The following PARD3B variants were observed in gnomAD, a reference collection of about 807,000 sequenced individuals.
PARD3B encodes the protein partitioning defective 3 homolog B.
PARD3B carries 103 observed loss-of-function variants against 130.2 expected under a neutral mutation model. That is an observed-to-expected ratio of 0.79 (90% CI 0.67 to 0.93). The LOEUF (loss-of-function observed/expected upper bound fraction) is 0.93, where lower values mean the gene tolerates loss of function less well. Ranked by LOEUF, PARD3B falls within the 40% of genes least tolerant of loss-of-function variation. The probability of loss-of-function intolerance (pLI) is 0.00; values close to 1 mark genes in which losing one functional copy is unlikely to be tolerated. For missense variants in PARD3B, 1,609 were observed against 1,499.2 expected (o/e 1.07, Z -1.21); for synonymous variants, 583 against 553.2 (o/e 1.05, Z -0.76).
At position 205,397,065 on chromosome 2, in the gene PARD3B, AT is replaced by A. The variant is rs2046058415; in HGVS notation, c.2631-3946del. Among the ~76,000 whole-genome samples, 1 of 152,174 alleles carries A rather than the reference AT, an allele frequency of 6.6e-6. No individual in the cohort carries two copies. The highest frequency in any genetic ancestry group is 2.1e-4 in the South Asian group (1 of 4,818). ...CCACTACTGATAATTAAGTTGTCTT[AT>A]TGCAAAATGAAAAAGAATTCAGTGT... On this transcript the variant is annotated intron_variant, in intron 18 of 22. Transcript: ENST00000406610. This position sits in a 1 kb window ranked among gnomAD's most constrained non-coding sequence, Gnocchi z 4.8.
intron 3 of PARD3B, among the ~76,000 whole-genome samples, chr2:205,023,488 T>G (rs1197422332): frequency 6.6e-6 from 1 of 150,594 alleles, no homozygotes; most frequent in Non-Finnish European, 1.5e-5. Flanking sequence ...AAGAAGCTAC[T>G]TTTTTAAATG....
At chr2:204,817,444 C>T (rs537073203) in intron 2 of PARD3B, among the ~76,000 whole-genome samples, 2 of 152,178 alleles carry the variant, frequency 1.3e-5, no homozygotes, top group African/African-American at 4.8e-5. Context: ...TGTAACTACC[C>T]ACTACTGAGC....
In PARD3B at chr2:204,887,313, G is replaced by A. The variant is rs1199426198; in HGVS notation, c.223-77839G>A. Reference sequence around the variant, plus strand: ...TTCATTTAAGCCTATTTTGGAAGCTGAGTCACTTGCCACCTGCATATATCT... The same window carrying A: ...TTCATTTAAGCCTATTTTGGAAGCTAAGTCACTTGCCACCTGCATATATCT... On this transcript the variant is annotated intron_variant, in intron 2 of 22. Transcript: ENST00000406610. This position sits in a 1 kb window ranked among gnomAD's most constrained non-coding sequence, Gnocchi z 4.2. 6.6e-6 allele frequency among the ~76,000 whole-genome samples: 1 copy of A among 152,202 alleles called. No homozygotes were observed. The highest frequency in any genetic ancestry group is 1.5e-5 in the Non-Finnish European group (1 of 68,046).
In PARD3B at chr2:205,078,356, A is replaced by C. The variant is rs1029299614; in HGVS notation, c.505-26070A>C. Among the ~76,000 whole-genome samples, 1 of 152,114 alleles carries C rather than the reference A, an allele frequency of 6.6e-6. No homozygotes were observed. Among genetic ancestry groups the C allele is most frequent in the Non-Finnish European group, 1.5e-5 (1 of 68,016 alleles). ...CGCAGCATCATTCTTCATAATTTTT[A>C]TTAATTGTATGGTTTTCCTTTTATG... On this transcript the variant is annotated intron_variant, in intron 4 of 22. Coordinates refer to ENST00000406610, the MANE Select transcript of PARD3B (RefSeq NM_001302769.2). The surrounding 1 kb of genome is among the most constrained non-coding windows in gnomAD (Gnocchi z 4.0).
chr2:204,643,851 A>G (rs544886352), intron 1 of PARD3B, among the ~76,000 whole-genome samples: 3 of 152,296 alleles, frequency 2.0e-5, no homozygotes, highest in East Asian at 3.9e-4. Context: ...CATAAAATTC[A>G]GGCTTGATGA....
In PARD3B at chr2:205,425,945, G is replaced by T. The variant is rs1188024427; in HGVS notation, c.2742-14425G>T. ...GTCAATTAATGACATTAAAAAATTTGCATGTCAGTATTATAGAATGTCAAA... is the reference window on the plus strand; with the variant it reads ...GTCAATTAATGACATTAAAAAATTTTCATGTCAGTATTATAGAATGTCAAA... On this transcript the variant is annotated intron_variant, in intron 19 of 22. Transcript: ENST00000406610. Among the ~76,000 whole-genome samples the T allele has an allele frequency of 2.6e-5, 4 of 152,210 alleles. No homozygotes were observed. In the East Asian group the frequency reaches 7.7e-4, roughly 29 times the overall value.
chr2:204,577,855 A>G (rs891926551), intron 1 of PARD3B, among the ~76,000 whole-genome samples: 1 of 152,120 alleles, frequency 6.6e-6, no homozygotes, highest in Non-Finnish European at 1.5e-5. Context: ...GACATCAGCC[A>G]CTGTGCCCAG....
chr2:205,371,598 G>A (rs763394811), intron 18 of PARD3B, among the ~76,000 whole-genome samples: 17 of 152,252 alleles, frequency 1.1e-4, no homozygotes, highest in Non-Finnish European at 2.4e-4. Flanking sequence ...CCTATAGTTA[G>A]AGCATCAGTA....
intron 20 of PARD3B, among the ~76,000 whole-genome samples, chr2:205,481,639 C>T (rs1359740924): frequency 2.0e-5 from 3 of 152,170 alleles, no homozygotes; most frequent in Non-Finnish European, 4.4e-5. Context: ...GTGCACCAGG[C>T]ACTATTCTAA....
At chr2:204,551,535 C>T (rs549296103) in intron 1 of PARD3B, among the ~76,000 whole-genome samples, 1 of 152,266 alleles carries the variant, frequency 6.6e-6, no homozygotes, top group East Asian at 1.9e-4. Context: ...CCTGGATCTT[C>T]TCTCCCCTCC....
At chr2:205,002,168 T>C (rs1333976702) in intron 3 of PARD3B, among the ~76,000 whole-genome samples, 4 of 152,212 alleles carry the variant, frequency 2.6e-5, no homozygotes, top group Admixed American at 2.6e-4. Flanking sequence ...AGGGTGACAG[T>C]GTATGTTTCT....
At chr2:204,592,493 T>C (rs1029013632) in intron 1 of PARD3B, among the ~76,000 whole-genome samples, 12 of 152,308 alleles carry the variant, frequency 7.9e-5, no homozygotes, top group East Asian at 3.9e-4. Context: ...TTAAATAAAA[T>C]AGGCAGCTAT....
At chr2:205,063,351 T>A (rs1032453489) in intron 4 of PARD3B, among the ~76,000 whole-genome samples, 4 of 151,966 alleles carry the variant, frequency 2.6e-5, no homozygotes, top group Non-Finnish European at 5.9e-5. Context: ...ATTTTATATT[T>A]TAAAAAATAA....
At chr2:204,806,640 C>T (rs1449478523) in intron 2 of PARD3B, among the ~76,000 whole-genome samples, 2 of 151,968 alleles carry the variant, frequency 1.3e-5, no homozygotes, top group Non-Finnish European at 2.9e-5. Flanking sequence ...CAAAAATAGA[C>T]AAATGGATTA....
At chr2:205,155,700 C>T (rs1575988369) in intron 10 of PARD3B, among the ~76,000 whole-genome samples, 1 of 152,272 alleles carries the variant, frequency 6.6e-6, no homozygotes, top group East Asian at 1.9e-4. Context: ...ACATCCTCTC[C>T]AGCACCTGTT....
At chr2:205,483,206 T>C (rs2106295437) in intron 20 of PARD3B, among the ~76,000 whole-genome samples, 1 of 152,328 alleles carries the variant, frequency 6.6e-6, no homozygotes, top group East Asian at 1.9e-4. Context: ...TCATAGGGAA[T>C]GGAACACTTT....
intron 2 of PARD3B, among the ~76,000 whole-genome samples, chr2:204,744,536 T>A (rs2040138164): frequency 6.6e-6 from 1 of 152,162 alleles, no homozygotes. Flanking sequence ...GCTGAATGTA[T>A]GTTTTAAAAG....
At chr2:205,390,632 C>A (rs955642145) in intron 18 of PARD3B, among the ~76,000 whole-genome samples, 1 of 152,050 alleles carries the variant, frequency 6.6e-6, no homozygotes, top group Non-Finnish European at 1.5e-5. Flanking sequence ...CAGATGAATT[C>A]CATAGAAAAT....
chr2:204,903,712 T>G (rs2125710382), intron 2 of PARD3B, among the ~76,000 whole-genome samples: 1 of 152,328 alleles, frequency 6.6e-6, no homozygotes, highest in East Asian at 1.9e-4. Flanking sequence ...CTCTCTACCT[T>G]TTCATTAAAA....
Sources: allele counts gnomAD v4.1 joint callset (sites outside exome capture counted in the v4.1 genomes callset), GRCh38; gene constraint gnomAD v4.1.1; non-coding constraint Gnocchi (gnomAD v3.1); transcripts MANE v1.5; gene names NCBI Gene and HGNC (gene_info 2026-07-23, HGNC 2026-07-21).